The following NAA25 variants were observed in gnomAD, a reference collection of about 807,000 sequenced individuals.
The protein encoded by NAA25 is N-alpha-acetyltransferase 25, NatB auxiliary subunit, also known as N-terminal acetyltransferase B complex subunit NAA25.
NAA25 carries 30 observed loss-of-function variants against 132.5 expected under a neutral mutation model. The ratio of observed to expected loss-of-function variants is 0.23; its 90% CI spans 0.17 to 0.31. The LOEUF is 0.31. Ranked by LOEUF, NAA25 falls within the 10% of genes least tolerant of loss-of-function variation. The pLI is 1.00. For synonymous variants in NAA25, 359 were observed against 401.9 expected (o/e 0.89, Z 1.28); for missense variants, 771 against 1,150.4 (o/e 0.67, Z 4.77).
intron 13 of NAA25, among the ~76,000 whole-genome samples, chr12:112,059,971 C>A (rs534608546): frequency 6.6e-6 from 1 of 152,268 alleles, no homozygotes; most frequent in Non-Finnish European, 1.5e-5. Context: ...AAATGCCCAG[C>A]TAATTTTTAT....
chr12:112,048,260 T>TAG (rs760913913), intron 16 of NAA25, 32 bp downstream of exon 16: 135 of 1,597,772 alleles, frequency 8.4e-5, no homozygotes, highest in Admixed American at 1.2e-4. Flanking sequence ...TCTAATCCCT[T>TAG]AGTTCCTTTA....
At chr12:112,094,666 T>G (rs1034811546) in intron 1 of NAA25, among the ~76,000 whole-genome samples, 12 of 152,048 alleles carry the variant, frequency 7.9e-5, no homozygotes, top group Non-Finnish European at 1.0e-4. Context: ...TAGTACTTTT[T>G]TGTGTGTGTG....
At chr12:112,081,915 A>C (rs537583059) in intron 4 of NAA25, among the ~76,000 whole-genome samples, 2 of 152,338 alleles carry the variant, frequency 1.3e-5, no homozygotes, top group Non-Finnish European at 2.9e-5. Context: ...AGCGGGGGAG[A>C]AAACAAATAC....
At chr12:112,045,051 A>C (rs2078358648) in intron 17 of NAA25, among the ~76,000 whole-genome samples, 1 of 152,072 alleles carries the variant, frequency 6.6e-6, no homozygotes, top group African/African-American at 2.4e-5. Flanking sequence ...TCTCTAATAA[A>C]AATAATACAC....
chr12:112,055,564 G>A (rs1394665434), intron 13 of NAA25, among the ~76,000 whole-genome samples: 1 of 151,972 alleles, frequency 6.6e-6, no homozygotes, highest in East Asian at 1.9e-4. Context: ...AACCAGATGT[G>A]GTGGTGCACA....
intron 6 of NAA25, 138 bp downstream of exon 6, chr12:112,078,496 G>A: frequency 1.3e-6 from 1 of 771,612 alleles, no homozygotes; most frequent in Non-Finnish European, 2.1e-6. Context: ...TACGCTGAGG[G>A]CTTCAGATTT....
At chr12:112,055,460 T>C (rs2078531221) in intron 13 of NAA25, among the ~76,000 whole-genome samples, 1 of 152,086 alleles carries the variant, frequency 6.6e-6, no homozygotes, top group Non-Finnish European at 1.5e-5. Flanking sequence ...TTTGGGAAGC[T>C]GAGGTGGGAG....
chr12:112,076,329 G>T (rs147059272), intron 7 of NAA25, among the ~76,000 whole-genome samples: 156 of 152,252 alleles, frequency 1.0e-3, no homozygotes, highest in African/African-American at 3.5e-3. Flanking sequence ...CTTTGTAAAA[G>T]GATAGGTTTC....
chr12:112,047,208 A>C (rs1442634954), intron 17 of NAA25, among the ~76,000 whole-genome samples: 1 of 150,042 alleles, frequency 6.7e-6, no homozygotes, highest in African/African-American at 2.5e-5. Context: ...TGTTTTTTTT[A>C]ATTTTAGATT....
chr12:112,082,377 C>G (rs2078985270), intron 4 of NAA25, among the ~76,000 whole-genome samples: 1 of 152,048 alleles, frequency 6.6e-6, no homozygotes, highest in African/African-American at 2.4e-5. Context: ...TGAGACCAGC[C>G]TGGGCAACAT....
Position 112,075,798 on chromosome 12 carries a change from A to C in NAA25, c.665-9T>G, listed in dbSNP as rs964931566. On this transcript the variant is annotated splice_polypyrimidine_tract_variant and intron_variant, in intron 7 of 23. Transcript: ENST00000261745. ...CTCACTTGTCAACTTCTCTAAAATC[A>C]AAAGTTATAAAAGTTGGTAAGCTGG... 1.2e-6 allele frequency: 2 copies of C among 1,606,658 alleles called. No homozygotes were observed. The highest frequency in any genetic ancestry group is 1.7e-6 in the Non-Finnish European group (2 of 1,173,450).
At chr12:112,030,210 C>CAAAAAAAAAAAA (rs67757055) in intron 23 of NAA25, among the ~76,000 whole-genome samples, 1 of 53,396 alleles carries the variant, frequency 1.9e-5, no homozygotes, top group African/African-American at 8.5e-5. Flanking sequence ...AAAGCTGTCT[C>CAAAAAAAAAAAA]AAAAAAAAAA....
Position 112,070,023 on chromosome 12 carries a change from G to C in NAA25, c.1037-1031C>G, listed in dbSNP as rs1484905690. Among the ~76,000 whole-genome samples the C allele has an allele frequency of 2.6e-5, 4 of 152,276 alleles. No individual in the cohort carries two copies. The South Asian group carries it at 8.3e-4, about 32-fold the overall frequency. The stretch of plus-strand genomic sequence containing the variant: ...ATCGCCTGTAATCCCAGCTACTTGG[G>C]AGGCTGAGGCAGGAGAATCACTTGA... On this transcript the variant is annotated intron_variant, in intron 10 of 23. Transcript: ENST00000261745.
chr12:112,048,233 T>C (rs1051075663), intron 16 of NAA25, 59 bp downstream of exon 16: 8 of 1,523,046 alleles, frequency 5.3e-6, no homozygotes, highest in African/African-American at 1.4e-5. Context: ...AGCCCATTAA[T>C]GGCTCTTAAC....
chr12:112,051,460 C>A (rs184216530), intron 15 of NAA25, among the ~76,000 whole-genome samples: 40 of 152,300 alleles, frequency 2.6e-4, no homozygotes, highest in Non-Finnish European at 3.8e-4. Context: ...ATCCACCCAC[C>A]TCGGCCTCCC....
chr12:112,071,012 G>T (rs897937582), intron 10 of NAA25, among the ~76,000 whole-genome samples: 1 of 152,060 alleles, frequency 6.6e-6, no homozygotes, highest in African/African-American at 2.4e-5. Context: ...CTCCCAAAGT[G>T]CTGGGATTAT....
At position 112,078,674 on chromosome 12, in the gene NAA25, T is replaced by A; in HGVS notation, c.545A>T (p.Glu182Val). The change falls in exon 6 of 24, where the codon GAA becomes GTA. Residue 182 changes from glutamate (E) to valine (V), a missense_variant. This residue lies in a region of NAA25 where 417 missense variants were observed against 733.8 expected (regional missense o/e 0.57). Transcript: ENST00000261745. ...TATCTTGTCCTCTTTCACCATTTTT[T>A]CGACCATTCTCTCAGCAAGGGGCAG... Reference protein sequence around the residue: ...MFLPLAERMVEKMVKEDKIEA... With the variant: ...MFLPLAERMVVKMVKEDKIEA... 1 of 1,614,132 alleles carries A rather than the reference T, an allele frequency of 6.2e-7. No individual in the cohort carries two copies. Among genetic ancestry groups the A allele is most frequent in the Non-Finnish European group, 8.5e-7 (1 of 1,179,992 alleles).
rs567919890 is a variant in NAA25, at chr12:112,085,942, G to A, written c.402+1741C>T. On this transcript the variant is annotated intron_variant, in intron 4 of 23. Transcript: ENST00000261745. ...TGAGGCAGAAGAATCGCTTGAACCCGGGAGGTGGAGGTTGCAGTGAGACGA... is the reference window on the plus strand; with the variant it reads ...TGAGGCAGAAGAATCGCTTGAACCCAGGAGGTGGAGGTTGCAGTGAGACGA... Among the ~76,000 whole-genome samples the A allele has an allele frequency of 8.9e-5, 12 of 135,036 alleles. 1 individual carries two copies. In the South Asian group the frequency reaches 2.6e-3, roughly 29 times the overall value. The allele number at this position is 135,036 out of a possible 152,430, so 88.6% of individuals were successfully genotyped here.
chr12:112,071,107 C>A (rs1287629600), intron 10 of NAA25, among the ~76,000 whole-genome samples: 1 of 152,058 alleles, frequency 6.6e-6, no homozygotes, highest in Non-Finnish European at 1.5e-5. Context: ...TGGTCTTGAA[C>A]ACCTGACCTC....
Sources: gnomAD v4.1 joint callset for allele counts (sites outside exome capture counted in the v4.1 genomes callset) on GRCh38, gnomAD v4.1.1 for gene constraint, gnomAD v4.1.1 regional missense constraint, MANE v1.5 for transcripts, NCBI Gene and HGNC (gene_info 2026-07-23, HGNC 2026-07-21) for gene names.